Variants in ITGA9 observed in about 807,000 individuals in gnomAD.
ITGA9 encodes the protein integrin subunit alpha 9, also known as integrin alpha-9.
ITGA9 carries 56 observed loss-of-function variants against 127.8 expected under a neutral mutation model. The observed-to-expected ratio is 0.44, with a 90% confidence interval of 0.35 to 0.55. The LOEUF is 0.55. Ranked by LOEUF, ITGA9 falls within the 20% of genes least tolerant of loss-of-function variation. The pLI, the probability that ITGA9 is intolerant of heterozygous loss-of-function variation, is 0.00. For missense variants in ITGA9, 1,196 were observed against 1,347.1 expected (o/e 0.89, Z 1.76); for synonymous variants, 508 against 514.5 (o/e 0.99, Z 0.17).
chr3:37,543,094 T>C (rs2125591295), intron 15 of ITGA9, among the ~76,000 whole-genome samples: 1 of 152,360 alleles, frequency 6.6e-6, no homozygotes, highest in Non-Finnish European at 1.5e-5. Flanking sequence ...ACCTTTCCCC[T>C]CGCACTCTAA....
intron 18 of ITGA9, among the ~76,000 whole-genome samples, chr3:37,703,825 T>C (rs184447497): frequency 6.6e-6 from 1 of 152,348 alleles, no homozygotes; most frequent in African/African-American, 2.4e-5. Context: ...CAGTGAGGTA[T>C]GTGCAGTTAC....
intron 15 of ITGA9, among the ~76,000 whole-genome samples, 187 bp downstream of exon 15, chr3:37,542,772 G>A (rs1022777501): frequency 6.6e-6 from 1 of 152,120 alleles, no homozygotes; most frequent in African/African-American, 2.4e-5. Context: ...TTATCTTACT[G>A]TGTTGATTTC....
At chr3:37,782,314 G>C (rs1466563406) in intron 25 of ITGA9, among the ~76,000 whole-genome samples, 2 of 152,216 alleles carry the variant, frequency 1.3e-5, no homozygotes, top group African/African-American at 4.8e-5. Context: ...GCTGCTGCTT[G>C]CACTTCAGTT....
chr3:37,751,635 T>A (rs1291332786), intron 23 of ITGA9, among the ~76,000 whole-genome samples: 3 of 152,026 alleles, frequency 2.0e-5, no homozygotes, highest in African/African-American at 7.2e-5. Context: ...GAAAAGCCAC[T>A]GGAAGGGACT....
intron 18 of ITGA9, among the ~76,000 whole-genome samples, chr3:37,686,281 G>A (rs1163583186): frequency 6.6e-6 from 1 of 152,144 alleles, no homozygotes; most frequent in African/African-American, 2.4e-5. Context: ...GGGCTGGGAG[G>A]GATGTGCTGT....
intron 16 of ITGA9, among the ~76,000 whole-genome samples, chr3:37,635,586 A>G (rs191946334): frequency 2.0e-5 from 3 of 151,340 alleles, no homozygotes; most frequent in African/African-American, 7.2e-5. Flanking sequence ...ATTTTATTTT[A>G]TTTTATTTTT....
chr3:37,712,659 T>C (rs1701091468), intron 18 of ITGA9, among the ~76,000 whole-genome samples: 1 of 152,192 alleles, frequency 6.6e-6, no homozygotes, highest in Non-Finnish European at 1.5e-5. Flanking sequence ...TCCTTTTGGC[T>C]TCGTTCTCAA....
Position 37,823,150 on chromosome 3 carries a change from A to T in ITGA9, c.*4161A>T, listed in dbSNP as rs972879023. On this transcript the variant is annotated 3_prime_UTR_variant, in exon 28 of 28. Coordinates refer to ENST00000264741, the MANE Select transcript of ITGA9 (RefSeq NM_002207.3). ...GGAATAAGTGAACAAATTTCCCAACATCGTGCAATGCTTTATAGCACAATG... is the reference window on the plus strand; with the variant it reads ...GGAATAAGTGAACAAATTTCCCAACTTCGTGCAATGCTTTATAGCACAATG... The T allele has an allele frequency of 1.3e-5, 2 of 152,262 alleles. No individual in the cohort carries two copies. Among genetic ancestry groups the T allele is most frequent in the Non-Finnish European group, 2.9e-5 (2 of 68,044 alleles). The allele number at this position is 152,262 out of a possible 1,614,324, so 9.4% of individuals were successfully genotyped here. A position where few individuals can be genotyped will look rare whatever the true frequency, so the allele number is the denominator to read the frequency against.
intron 23 of ITGA9, among the ~76,000 whole-genome samples, chr3:37,752,419 C>T (rs1696598065): frequency 6.6e-6 from 1 of 152,210 alleles, no homozygotes; most frequent in Non-Finnish European, 1.5e-5. Context: ...CACCATTCCC[C>T]AACCTCCAAA....
chr3:37,492,182 C>G (rs1393125352), intron 4 of ITGA9, among the ~76,000 whole-genome samples: 1 of 151,972 alleles, frequency 6.6e-6, no homozygotes, highest in Admixed American at 6.6e-5. Context: ...GGCCTGCTCT[C>G]TGATCTAGAT....
intron 15 of ITGA9, among the ~76,000 whole-genome samples, chr3:37,607,847 T>C (rs2125624164): frequency 6.6e-6 from 1 of 152,228 alleles, no homozygotes; most frequent in Non-Finnish European, 1.5e-5. Flanking sequence ...GGGGACCTGA[T>C]AGATGTGGTC....
Position 37,502,461 on chromosome 3 carries a change from C to T in ITGA9, c.613-717C>T, listed in dbSNP as rs113414416. 1.3e-3 allele frequency among the ~76,000 whole-genome samples: 197 copies of T among 152,184 alleles called. 2 individuals carry two copies. Among genetic ancestry groups the T allele is most frequent in the African/African-American group, 3.8e-3 (158 of 41,518 alleles). On this transcript the variant is annotated intron_variant, in intron 5 of 27. Transcript: ENST00000264741. ...AACTCCTGACCTCAAGTGATCCACC[C>T]GCCTCGGCCTCCCAAAGTGCTGGGA... is the stretch of plus-strand genomic sequence containing the variant.
At chr3:37,762,921 A>G (rs1696739387) in intron 23 of ITGA9, among the ~76,000 whole-genome samples, 1 of 152,194 alleles carries the variant, frequency 6.6e-6, no homozygotes, top group Non-Finnish European at 1.5e-5. Flanking sequence ...TTGTCTGTTC[A>G]TATTTAAGAA....
chr3:37,668,054 C>A (rs990862034), intron 17 of ITGA9, among the ~76,000 whole-genome samples: 4 of 152,048 alleles, frequency 2.6e-5, no homozygotes, highest in Non-Finnish European at 4.4e-5. Context: ...ACTCAAAGCA[C>A]TGAGGGGAGC....
At chr3:37,781,565 T>G (rs1696976764) in intron 25 of ITGA9, among the ~76,000 whole-genome samples, 1 of 152,202 alleles carries the variant, frequency 6.6e-6, no homozygotes, top group Admixed American at 6.5e-5. Context: ...CGGTGGCTCT[T>G]GAAGAATCAT....
intron 15 of ITGA9, among the ~76,000 whole-genome samples, chr3:37,544,473 A>T (rs1450011534): frequency 6.6e-6 from 1 of 152,194 alleles, no homozygotes; most frequent in Admixed American, 6.5e-5. Flanking sequence ...TTTGCTGTTT[A>T]TCTGAAATTT....
Position 37,740,046 on chromosome 3 carries a change from G to T in ITGA9, c.2235-1684G>T, listed in dbSNP as rs144479623. Among the ~76,000 whole-genome samples, 6 of 152,310 alleles carry T rather than the reference G, an allele frequency of 3.9e-5. No homozygotes were observed. The East Asian group carries it at 1.2e-3, about 29-fold the overall frequency. ...GATGAGGAGCCAGGGCAGAGACTGT[G>T]GCCCTATGGGGTCAGCGTCACACAG... On this transcript the variant is annotated intron_variant, in intron 20 of 27. Coordinates refer to ENST00000264741, the MANE Select transcript of ITGA9 (RefSeq NM_002207.3).
chr3:37,733,515 CAAAAAAAAAAAA>C (rs58505517), intron 19 of ITGA9, among the ~76,000 whole-genome samples: 6 of 80,368 alleles, frequency 7.5e-5, no homozygotes, highest in Non-Finnish European at 1.3e-4. Context: ...CTCCGTCTCA[CAAAAAAAAAAAA>C]AAAAAAAAAA....
chr3:37,698,810 G>A (rs1700915516), intron 18 of ITGA9, among the ~76,000 whole-genome samples: 2 of 152,164 alleles, frequency 1.3e-5, no homozygotes, highest in Non-Finnish European at 2.9e-5. Flanking sequence ...ATAAGAGTTT[G>A]AGTTGGTCCC....
Sources: allele counts gnomAD v4.1 joint callset (sites outside exome capture counted in the v4.1 genomes callset), GRCh38; gene constraint gnomAD v4.1.1; transcripts MANE v1.5; gene names NCBI Gene and HGNC (gene_info 2026-07-23, HGNC 2026-07-21).